The following MAP3K3 variants were observed in gnomAD, a reference collection of about 807,000 sequenced individuals.
The protein encoded by MAP3K3 is mitogen-activated protein kinase kinase kinase 3.
A neutral mutation model predicts 80.9 loss-of-function variants in MAP3K3; 12 were observed. The ratio of observed to expected loss-of-function variants is 0.15; its 90% confidence interval spans 0.10 to 0.24. The LOEUF (loss-of-function observed/expected upper bound fraction) is 0.24, where lower values mean the gene tolerates loss of function less well. Ranked by LOEUF, MAP3K3 falls within the 10% of genes least tolerant of loss-of-function variation. The probability of loss-of-function intolerance (pLI) is 1.00; values close to 1 mark genes in which losing one functional copy is unlikely to be tolerated. For synonymous variants in MAP3K3, 272 were observed against 307.1 expected (o/e 0.89, Z 1.19); for missense variants, 596 against 834.7 (o/e 0.71, Z 3.52).
Position 63,666,943 on chromosome 17 carries a change from A to C in MAP3K3, c.385A>C (p.Ser129Arg), listed in dbSNP as rs1278640447. The change falls in exon 6 of 16, where the codon AGT becomes CGT. Residue 129 changes from serine (S) to arginine (R), a missense_variant. Transcript: ENST00000361733. ...CCTTTTTCCTCTTCTTTTACAGAAC[A>C]GTTCCTCTCCCCACTCTGGGGTGTC... ...LLLSQDRNHNSSSPHSGVSRQ... is the reference protein window; with the variant it reads ...LLLSQDRNHNRSSPHSGVSRQ... The C allele has an allele frequency of 6.2e-7, 1 of 1,613,000 alleles. No individual in the cohort carries two copies. The highest frequency in any genetic ancestry group is 1.3e-5 in the African/African-American group (1 of 74,816).
Position 63,694,267 on chromosome 17 carries a change from G to T in MAP3K3, c.*490G>T, listed in dbSNP as rs1179612314. The stretch of plus-strand genomic sequence containing the variant: ...CTGAGGGAAAGGCCAGCACTCGCTA[G>T]CAGTGGCAGGCAGAGGCCCAGGCTG... On this transcript the variant is annotated 3_prime_UTR_variant, in exon 16 of 16. Coordinates refer to ENST00000361733, the MANE Select transcript of MAP3K3 (RefSeq NM_002401.5). 1 of 153,302 alleles carries T rather than the reference G, an allele frequency of 6.5e-6. No homozygotes were observed. Among genetic ancestry groups the T allele is most frequent in the African/African-American group, 2.4e-5 (1 of 41,496 alleles). The allele number at this position is 153,302 out of a possible 1,614,324, so 9.5% of individuals were successfully genotyped here. A position where few individuals can be genotyped will look rare whatever the true frequency, so the allele number is the denominator to read the frequency against.
chr17:63,661,884 A>T (rs1324219532), intron 5 of MAP3K3, among the ~76,000 whole-genome samples: 2 of 152,116 alleles, frequency 1.3e-5, no homozygotes, highest in African/African-American at 4.8e-5. Flanking sequence ...CAGGCGGATC[A>T]CAAGGTCAGG....
At chr17:63,676,246 A>G (rs2035216892) in intron 6 of MAP3K3, among the ~76,000 whole-genome samples, 1 of 152,080 alleles carries the variant, frequency 6.6e-6, no homozygotes, top group Non-Finnish European at 1.5e-5. Flanking sequence ...AACCTTTGCT[A>G]TTTTTCCCCC....
chr17:63,638,709 C>G (rs1289700200), intron 2 of MAP3K3, among the ~76,000 whole-genome samples: 1 of 152,188 alleles, frequency 6.6e-6, no homozygotes, highest in Admixed American at 6.5e-5. Flanking sequence ...CACCTCCATT[C>G]AGTTTAACAT....
chr17:63,659,837 C>G (rs1183040370), intron 5 of MAP3K3, among the ~76,000 whole-genome samples: 1 of 151,954 alleles, frequency 6.6e-6, no homozygotes, highest in Non-Finnish European at 1.5e-5. Context: ...CGTACCAGTT[C>G]TTTTTTTAAA....
intron 6 of MAP3K3, among the ~76,000 whole-genome samples, chr17:63,671,841 G>A (rs868623496): frequency 1.3e-5 from 2 of 152,164 alleles, no homozygotes; most frequent in Non-Finnish European, 2.9e-5. Context: ...AAGGTACAGA[G>A]GGGTTCTAAG....
chr17:63,656,490 G>A (rs1247979063), intron 4 of MAP3K3, among the ~76,000 whole-genome samples: 1 of 149,956 alleles, frequency 6.7e-6, no homozygotes, highest in Non-Finnish European at 1.5e-5. Flanking sequence ...CTGTAATCCC[G>A]GCTACTCTGG....
chr17:63,690,959 C>A, intron 12 of MAP3K3, 143 bp from the exon 13 acceptor site: 1 of 955,166 alleles, frequency 1.0e-6, no homozygotes, highest in Non-Finnish European at 1.6e-6. Flanking sequence ...AAGAGCTAGA[C>A]AGTTAAGAGA....
chr17:63,647,512 A>G (rs914847647), intron 3 of MAP3K3, among the ~76,000 whole-genome samples: 1 of 152,148 alleles, frequency 6.6e-6, no homozygotes, highest in African/African-American at 2.4e-5. Flanking sequence ...ACACTGAGAA[A>G]GTGTATGTGT....
At chr17:63,679,631 C>G (rs114786686) in intron 6 of MAP3K3, among the ~76,000 whole-genome samples, 40 of 152,060 alleles carry the variant, frequency 2.6e-4, no homozygotes, top group African/African-American at 8.7e-4. Flanking sequence ...CACAAGTGTG[C>G]GCCTGGCTAA....
In MAP3K3 at chr17:63,688,851, G is replaced by A. The variant is rs36109904; in HGVS notation, c.841G>A (p.Val281Met). The change falls in exon 10 of 16, where the codon GTG becomes ATG. Residue 281 changes from valine to methionine, a missense_variant. Coordinates refer to ENST00000361733, the MANE Select transcript of MAP3K3 (RefSeq NM_002401.5). ...TGGAACCTACCCCCGGCGCTACCACGTGTCTGTGCACCACAAGGACTACAG... is the reference window on the plus strand; with the variant it reads ...TGGAACCTACCCCCGGCGCTACCACATGTCTGTGCACCACAAGGACTACAG... ...KGGTYPRRYHVSVHHKDYSDG... is the reference protein window; with the variant it reads ...KGGTYPRRYHMSVHHKDYSDG... The A allele has an allele frequency of 4.9e-4, 794 of 1,614,020 alleles. 14 individuals are homozygous for A. The East Asian group carries it at 0.012, about 25-fold the overall frequency.
chr17:63,640,772 T>C (rs1057333851), intron 2 of MAP3K3, among the ~76,000 whole-genome samples: 5 of 152,190 alleles, frequency 3.3e-5, no homozygotes, highest in African/African-American at 9.7e-5. Context: ...GGAACCTGGA[T>C]TGAGGGAGAC....
In MAP3K3 at chr17:63,692,169, A is replaced by AC. The variant is rs2035605621; in HGVS notation, c.1475-70dup. ...CTGCCCTCTCCAGCAGCTCTCAGTG[A>AC]CCCGGGGGTGGGGAGGATGGGAGAA... On this transcript the variant is annotated intron_variant, in intron 14 of 15. Coordinates refer to ENST00000361733, the MANE Select transcript of MAP3K3 (RefSeq NM_002401.5). This position sits in a 1 kb window ranked among gnomAD's most constrained non-coding sequence, Gnocchi z 4.5. 1.3e-6 allele frequency: 2 copies of AC among 1,558,170 alleles called. No homozygotes were observed. The highest frequency in any genetic ancestry group is 1.1e-5 in the South Asian group (1 of 89,482).
At chr17:63,646,307 G>A (rs921074443) in intron 3 of MAP3K3, among the ~76,000 whole-genome samples, 11 of 152,140 alleles carry the variant, frequency 7.2e-5, no homozygotes, top group African/African-American at 2.7e-4. Context: ...TTACTGTTCT[G>A]CTCTATTCTG....
intron 2 of MAP3K3, among the ~76,000 whole-genome samples, chr17:63,645,234 C>T (rs1045469821): frequency 2.0e-5 from 3 of 152,046 alleles, no homozygotes; most frequent in East Asian, 1.9e-4. Flanking sequence ...ACCCGGGAGA[C>T]GGAGGTTGCG....
At position 63,622,725 on chromosome 17, in the gene MAP3K3, C is replaced by A; in HGVS notation, c.-35C>A. On this transcript the variant is annotated 5_prime_UTR_variant, in exon 1 of 16. Coordinates refer to ENST00000361733, the MANE Select transcript of MAP3K3 (RefSeq NM_002401.5). ...CAGCCCCGGCTGCGGAGGTGACACT[C>A]ACGGACCTTAGCCACCGCCGCCGCC... 2.0e-6 allele frequency: 1 copy of A among 505,708 alleles called. No individual in the cohort carries two copies. 31.3% of individuals were successfully genotyped at this position (505,708 alleles called of 1,614,324 possible). A position where few individuals can be genotyped will look rare whatever the true frequency, so the allele number is the denominator to read the frequency against.
intron 2 of MAP3K3, among the ~76,000 whole-genome samples, chr17:63,639,805 G>C (rs1222026800): frequency 6.6e-6 from 1 of 152,162 alleles, no homozygotes. Flanking sequence ...CAGTGGAAGA[G>C]ATGATTATAA....
In MAP3K3 at chr17:63,689,727, C is replaced by T. The variant is rs2035543449; in HGVS notation, c.1055C>T (p.Pro352Leu). The T allele has an allele frequency of 1.2e-6, 2 of 1,612,038 alleles. No individual in the cohort carries two copies. Among genetic ancestry groups the T allele is most frequent in the East Asian group, 4.5e-5 (2 of 44,816 alleles). ...CTCTCTGTGCAGGAGAGGAATGTGC[C>T]AACCAAGTGTGAGGAGCTGTCCCTG... is the stretch of plus-strand genomic sequence containing the variant. ...NALSVQERNV[P>L]TKSPSAPINW... The change falls in exon 11 of 16, where the codon CCA (proline) becomes CTA (leucine). Residue 352 changes from proline to leucine, a missense_variant. Coordinates refer to ENST00000361733, the MANE Select transcript of MAP3K3 (RefSeq NM_002401.5). This position sits in a 1 kb window ranked among gnomAD's most constrained non-coding sequence, Gnocchi z 4.3.
At chr17:63,684,629 G>A (rs1006709483) in intron 7 of MAP3K3, among the ~76,000 whole-genome samples, 2 of 152,028 alleles carry the variant, frequency 1.3e-5, no homozygotes, top group African/African-American at 4.8e-5. Flanking sequence ...CTGATACTTT[G>A]TTTCCCTATG....
Sources: gnomAD v4.1 joint callset for allele counts (sites outside exome capture counted in the v4.1 genomes callset) on GRCh38, gnomAD v4.1.1 for gene constraint, Gnocchi (gnomAD v3.1) non-coding constraint, MANE v1.5 for transcripts, NCBI Gene and HGNC (gene_info 2026-07-23, HGNC 2026-07-21) for gene names.